ANO8: variants seen among roughly 807,000 people sequenced by gnomAD.
ANO8 encodes the protein anoctamin-8.
A neutral mutation model predicts 120.4 loss-of-function variants in ANO8; 67 were observed. The ratio of observed to expected loss-of-function variants is 0.56; its 90% CI spans 0.46 to 0.68. ANO8 has a LOEUF of 0.68. Ranked by LOEUF, ANO8 falls within the 30% of genes least tolerant of loss-of-function variation. The pLI, the probability that ANO8 is intolerant of heterozygous loss-of-function variation, is 0.00. For synonymous variants in ANO8, 727 were observed against 759.2 expected (o/e 0.96, Z 0.70); for missense variants, 1,526 against 1,737.6 (o/e 0.88, Z 2.16).
chr19:17,325,272 C>G lies in ANO8; in HGVS notation c.2776G>C (p.Gly926Arg), dbSNP rs535470207. ...HHARREHDSG[G>R]REEARAEGSG... Reference sequence around the variant, plus strand: ...CCCTCGGCCCTCGCCTCCTCTCGGCCACCAGAATCATGCTCCCGCCGGGCA... The same window carrying G: ...CCCTCGGCCCTCGCCTCCTCTCGGCGACCAGAATCATGCTCCCGCCGGGCA... Residue 926 changes from glycine (G) to arginine (R), a missense_variant, in exon 17 of 18, where the codon GGC (glycine) becomes CGC (arginine). Physicochemically the swap from Gly to Arg is moderately radical, Grantham distance 125. Transcript: ENST00000159087. 2 of 1,608,004 alleles carry G rather than the reference C, an allele frequency of 1.2e-6. No homozygotes were observed. Among genetic ancestry groups the G allele is most frequent in the Non-Finnish European group, 1.7e-6 (2 of 1,179,848 alleles).
At chr19:17,325,594 G>A (rs1193322569) in intron 16 of ANO8, among the ~76,000 whole-genome samples, 2 of 152,218 alleles carry the variant, frequency 1.3e-5, no homozygotes, top group Admixed American at 1.3e-4. Flanking sequence ...GGCATTCCCA[G>A]ATACATGATC....
rs961029451 is a variant in ANO8 at position 17,323,956 on chromosome 19, C to G, written c.3332-72G>C. Reference sequence around the variant, plus strand: ...GACCCCGCCGGGCTGGCAACCCTGCCCGCGCTCCCTCCCGGGCATCCAGGC... The same window carrying G: ...GACCCCGCCGGGCTGGCAACCCTGCGCGCGCTCCCTCCCGGGCATCCAGGC... On this transcript the variant is annotated intron_variant, in intron 17 of 17. Transcript: ENST00000159087. 1.2e-5 allele frequency: 13 copies of G among 1,068,454 alleles called. No homozygotes were observed. The African/African-American group carries it at 2.0e-4, about 17-fold the overall frequency. The allele number at this position is 1,068,454 out of a possible 1,614,324, so 66.2% of individuals were successfully genotyped here.
At position 17,331,099 on chromosome 19, in the gene ANO8, C is replaced by G. The variant is rs771365645; in HGVS notation, c.820G>C (p.Glu274Gln). The change falls in exon 7 of 18, where the codon GAG (glutamate) becomes CAG (glutamine). Residue 274 changes from glutamate to glutamine, a missense_variant. By Grantham distance (29) the Glu-to-Gln change is conservative. Transcript: ENST00000159087. ...TCCCTGCCCAGTACCTGATCAGCCT[C>G]TGTGAATGTGTACAGGACAGACCCG... ...VFGSVLYTFT[E>Q]ADQTSRDVSC... 1 of 1,614,216 alleles carries G rather than the reference C, an allele frequency of 6.2e-7. No individual in the cohort carries two copies. The highest frequency in any genetic ancestry group is 1.1e-5 in the South Asian group (1 of 91,082).
At position 17,323,334 on chromosome 19, in the gene ANO8, TGTG is replaced by T. The variant is rs2074250217; in HGVS notation, c.*180_*182del. ...TTCTGTGTGTGTGTGTGTGTGTGTG[TGTG>T]TGTGTGTTTTCTGTTGGATTTGTGG... On this transcript the variant is annotated 3_prime_UTR_variant, in exon 18 of 18. Transcript: ENST00000159087. 1 of 384,832 alleles carries T rather than the reference TGTG, an allele frequency of 2.6e-6. No individual in the cohort carries two copies. The highest frequency in any genetic ancestry group is 2.1e-5 in the African/African-American group (1 of 47,554). The allele number at this position is 384,832 out of a possible 1,614,324, so 23.8% of individuals were successfully genotyped here. A position where few individuals can be genotyped will look rare whatever the true frequency, so the allele number is the denominator to read the frequency against.
At chr19:17,330,799 C>A in intron 8 of ANO8, 29 bp downstream of exon 8, 1 of 1,603,974 alleles carries the variant, frequency 6.2e-7, no homozygotes, top group Non-Finnish European at 8.5e-7. Flanking sequence ...GTCCTGTCTC[C>A]ATGACCCTGG....
Position 17,333,054 on chromosome 19 carries a change from G to A in ANO8, c.490-28C>T, listed in dbSNP as rs1407281957. 6.2e-7 allele frequency: 1 copy of A among 1,614,024 alleles called. No homozygotes were observed. The highest frequency in any genetic ancestry group is 1.1e-5 in the South Asian group (1 of 91,078). ...GCGAGGAAGAGGGCGTGAGCTCAGG[G>A]AACTCATAGGCACAGGATGCATGCG... On this transcript the variant is annotated intron_variant, in intron 4 of 17. Coordinates refer to ENST00000159087, the MANE Select transcript of ANO8 (RefSeq NM_020959.3). The surrounding 1 kb of genome is among the most constrained non-coding windows in gnomAD (Gnocchi z 7.2).
chr19:17,334,664 C>T lies in ANO8; in HGVS notation c.7G>A (p.Glu3Lys). MA[E>K]AASGAGGTSL... ...GTGCCCCCGGCGCCGGAGGCGGCCT[C>T]GGCCATGGCGAGGACAGGTCAGGTC... Residue 3 changes from glutamate to lysine, a missense_variant, in exon 1 of 18, where the codon GAG (glutamate) becomes AAG (lysine). Glu to Lys is a moderately conservative substitution (Grantham distance 56). Coordinates refer to ENST00000159087, the MANE Select transcript of ANO8 (RefSeq NM_020959.3). 6.8e-7 allele frequency: 1 copy of T among 1,467,120 alleles called. No homozygotes were observed. The highest frequency in any genetic ancestry group is 8.9e-7 in the Non-Finnish European group (1 of 1,117,944). 90.9% of individuals were successfully genotyped at this position (1,467,120 alleles called of 1,614,324 possible). A position where few individuals can be genotyped will look rare whatever the true frequency, so the allele number is the denominator to read the frequency against.
At position 17,323,343 on chromosome 19, in the gene ANO8, G is replaced by GTGTT. The variant is rs772407768; in HGVS notation, c.*173_*174insAACA. ...TGTGTGTGTGTGTGTGTGTGTGTGT[G>GTGTT]TTTTCTGTTGGATTTGTGGGTTTCC... is the stretch of plus-strand genomic sequence containing the variant. On this transcript the variant is annotated 3_prime_UTR_variant, in exon 18 of 18. Coordinates refer to ENST00000159087, the MANE Select transcript of ANO8 (RefSeq NM_020959.3). 32 of 394,480 alleles carry GTGTT rather than the reference G, an allele frequency of 8.1e-5. No homozygotes were observed. Among genetic ancestry groups the GTGTT allele is most frequent in the Non-Finnish European group, 9.6e-5 (22 of 228,464 alleles). 24.4% of individuals were successfully genotyped at this position (394,480 alleles called of 1,614,324 possible). A position where few individuals can be genotyped will look rare whatever the true frequency, so the allele number is the denominator to read the frequency against.
At position 17,325,351 on chromosome 19, in the gene ANO8, C is replaced by T. The variant is rs770809873; in HGVS notation, c.2697G>A (p.Gln899=). 1.3e-6 allele frequency: 2 copies of T among 1,597,864 alleles called. No individual in the cohort carries two copies. Among genetic ancestry groups the T allele is most frequent in the African/African-American group, 2.7e-5 (2 of 74,864 alleles). Residue 899 remains glutamine (Q), a synonymous_variant, in exon 17 of 18, where the codon CAG becomes CAA. Coordinates refer to ENST00000159087, the MANE Select transcript of ANO8 (RefSeq NM_020959.3). ...CCTCCTCCCGCCGCCTGCGCTGCTG[C>T]TGCTGGTAGCGATGCTGGGCCTGGC... ...HERQAQHRYQ[Q]QQRRRREEEE... is the part of the protein sequence containing the mutation.
In ANO8 at chr19:17,334,748, G is replaced by A. The variant is rs1380433195; in HGVS notation, c.-78C>T. 13 of 1,246,912 alleles carry A rather than the reference G, an allele frequency of 1.0e-5. No homozygotes were observed. Among genetic ancestry groups the A allele is most frequent in the African/African-American group, 1.6e-5 (1 of 62,522 alleles). The allele number at this position is 1,246,912 out of a possible 1,614,324, so 77.2% of individuals were successfully genotyped here. On this transcript the variant is annotated 5_prime_UTR_variant, in exon 1 of 18. Transcript: ENST00000159087. ...GCGGGCTCATGGGGCCGGTGCAGCC[G>A]CGGAGCGCGCGGGAGGAGGAGACAA...
At position 17,324,883 on chromosome 19, in the gene ANO8, G is replaced by C; in HGVS notation, c.3165C>G (p.Phe1055Leu). 1.2e-6 allele frequency: 2 copies of C among 1,613,304 alleles called. No homozygotes were observed. Among genetic ancestry groups the C allele is most frequent in the African/African-American group, 1.3e-5 (1 of 75,064 alleles). The stretch of plus-strand genomic sequence containing the variant: ...GCTCAGCCCGGGTGCCACCAAAGGG[G>C]AAGAGCTTGCCAGCATGGAAGGCTT... ...PPKAFHAGKLFPFGGTRAEPG... is the reference protein window; with the variant it reads ...PPKAFHAGKLLPFGGTRAEPG... The change falls in exon 17 of 18, where the codon TTC becomes TTG. Residue 1055 changes from phenylalanine (F) to leucine (L), a missense_variant. Physicochemically the swap from Phe to Leu is conservative, Grantham distance 22 (BLOSUM62 0). Transcript: ENST00000159087.
Position 17,325,018 on chromosome 19 carries a change from A to AG in ANO8, c.3029dup (p.Ala1011CysfsTer30). ...TGTCGCTGCCTGTGGGTGACTGGGC[A>AG]GGGGGAGGCCGGGTGGTGGCTCCGG... is the stretch of plus-strand genomic sequence containing the variant. On this transcript the variant is annotated frameshift_variant, in exon 17 of 18. Coordinates refer to ENST00000159087, the MANE Select transcript of ANO8 (RefSeq NM_020959.3). LOFTEE classifies it high-confidence loss of function. 1 of 1,612,994 alleles carries AG rather than the reference A, an allele frequency of 6.2e-7. No homozygotes were observed. Among genetic ancestry groups the AG allele is most frequent in the Non-Finnish European group, 8.5e-7 (1 of 1,179,880 alleles).
Position 17,334,672 on chromosome 19 carries a change from G to T in ANO8, c.-2C>A, listed in dbSNP as rs975313822. ...GGCGCCGGAGGCGGCCTCGGCCATG[G>T]CGAGGACAGGTCAGGTCAGGGGCTA... On this transcript the variant is annotated 5_prime_UTR_variant, in exon 1 of 18. Transcript: ENST00000159087. The T allele has an allele frequency of 7.5e-6, 11 of 1,458,528 alleles. No homozygotes were observed. The South Asian group carries it at 8.2e-5, about 11-fold the overall frequency. The allele number at this position is 1,458,528 out of a possible 1,614,324, so 90.3% of individuals were successfully genotyped here.
chr19:17,328,373 C>G lies in ANO8; in HGVS notation c.2015G>C (p.Arg672Pro), dbSNP rs200489783. 5.1e-6 allele frequency: 8 copies of G among 1,573,918 alleles called. No homozygotes were observed. Among genetic ancestry groups the G allele is most frequent in the Middle Eastern group, 1.8e-4 (1 of 5,480 alleles). ...EAEGAPGSPE[R>P]EPPAILFRRA... is the part of the protein sequence containing the mutation. ...GCGGAACAAGATGGCCGGGGGCTCC[C>G]GTTCAGGGCTGCCGGGAGCCCCCTC... Residue 672 changes from arginine (R) to proline (P), a missense_variant, in exon 13 of 18, where the codon CGG becomes CCG. By Grantham distance (103) the Arg-to-Pro change is moderately radical (BLOSUM62 -2). Around this residue, in one of 8 missense-constraint regions of ANO8, gnomAD observed 467 missense variants for 425.8 expected, o/e 1.10. Coordinates refer to ENST00000159087, the MANE Select transcript of ANO8 (RefSeq NM_020959.3).
chr19:17,328,903 C>G lies in ANO8; in HGVS notation c.1485G>C (p.Leu495=), dbSNP rs748927304. 63 of 1,506,702 alleles carry G rather than the reference C, an allele frequency of 4.2e-5. No homozygotes were observed. The highest frequency in any genetic ancestry group is 1.3e-4 in the Admixed American group (6 of 47,898). 93.3% of individuals were successfully genotyped at this position (1,506,702 alleles called of 1,614,324 possible). Residue 495 remains leucine, a synonymous_variant, in exon 13 of 18, where the codon CTG becomes CTC. Transcript: ENST00000159087. ...CCCGCAGGCCCAGCTCGCCGCGGCCCAGGCGCCGGTACAGGTGCGGCTGCA... is the reference window on the plus strand; with the variant it reads ...CCCGCAGGCCCAGCTCGCCGCGGCCGAGGCGCCGGTACAGGTGCGGCTGCA... The part of the protein sequence containing the change: ...EVLQPHLYRR[L]GRGELGLRAV...
rs1284955890 is a variant in ANO8 at position 17,328,791 on chromosome 19, C to T, written c.1597G>A (p.Gly533Ser). Residue 533 changes from glycine to serine, a missense_variant, in exon 13 of 18, where the codon GGC becomes AGC. Gly to Ser is a moderately conservative substitution (Grantham distance 56, BLOSUM62 0). Transcript: ENST00000159087. ...CCGCCCCCGCTGCCGCCGCCCCCGC[C>T]CTCATCCGCCTGGGGTTCGAGGCGG... ...PRRLEPQADE[G>S]GGGGSGGGGR... The T allele has an allele frequency of 1.4e-5, 19 of 1,367,586 alleles. 1 individual carries two copies. Among genetic ancestry groups the T allele is most frequent in the South Asian group, 1.2e-4 (7 of 58,070 alleles). 84.7% of individuals were successfully genotyped at this position (1,367,586 alleles called of 1,614,324 possible). A position where few individuals can be genotyped will look rare whatever the true frequency, so the allele number is the denominator to read the frequency against.
chr19:17,331,186 T>G lies in ANO8; in HGVS notation c.733A>C (p.Ile245Leu), dbSNP rs1468934022. The G allele has an allele frequency of 6.2e-7, 1 of 1,614,100 alleles. No homozygotes were observed. Among genetic ancestry groups the G allele is most frequent in the Non-Finnish European group, 8.5e-7 (1 of 1,180,010 alleles). The change falls in exon 7 of 18, where the codon ATT (isoleucine) becomes CTT (leucine). Residue 245 changes from isoleucine to leucine, a missense_variant. Around this residue, in one of 8 missense-constraint regions of ANO8, gnomAD observed 322 missense variants for 431.8 expected, o/e 0.75. Transcript: ENST00000159087. ...CCCAGCCAGGCGAAGTACATGGCAA[T>G]TTTCACACCAAAGTAATCACAGATG... ...DDICDYFGVKIAMYFAWLGFY... is the reference protein window; with the variant it reads ...DDICDYFGVKLAMYFAWLGFY...
rs1407139223 is a variant in ANO8 at position 17,332,913 on chromosome 19, G to T, written c.586+17C>A. The T allele has an allele frequency of 6.2e-6, 10 of 1,613,274 alleles. No homozygotes were observed. The highest frequency in any genetic ancestry group is 2.7e-5 in the African/African-American group (2 of 74,926). ...CAACTCTCTGCCTGTGATTGGTGTT[G>T]ACCCCGCCCTGCTCACTGATTGGCT... On this transcript the variant is annotated intron_variant, in intron 5 of 17. Coordinates refer to ENST00000159087, the MANE Select transcript of ANO8 (RefSeq NM_020959.3).
intron 5 of ANO8, 121 bp from the exon 6 acceptor site, chr19:17,331,532 T>C (rs938517078): frequency 2.5e-6 from 2 of 814,648 alleles, no homozygotes; most frequent in African/African-American, 3.4e-5. Context: ...TAGAGCTCTT[T>C]CCAGGGGAGA....
Sources: gnomAD v4.1 joint callset for allele counts (sites outside exome capture counted in the v4.1 genomes callset) on GRCh38, gnomAD v4.1.1 for gene constraint, gnomAD v4.1.1 regional missense constraint, Gnocchi (gnomAD v3.1) non-coding constraint, MANE v1.5 for transcripts, NCBI Gene and HGNC (gene_info 2026-07-23, HGNC 2026-07-21) for gene names.